Variants in RIC1 observed in about 807,000 individuals in gnomAD.
RIC1 encodes RIC1 partner of RAB6A GEF complex, also known as guanine nucleotide exchange factor subunit RIC1.
A neutral mutation model predicts 169.0 loss-of-function variants in RIC1; 88 were observed. The ratio of observed to expected loss-of-function variants is 0.52; its 90% CI spans 0.44 to 0.62. The LOEUF is 0.62. Among genes scored for constraint, RIC1 ranks in the 20% least tolerant of loss-of-function variants. The pLI is 0.00. For synonymous variants in RIC1, 790 were observed against 601.5 expected (o/e 1.31, Z -4.59); for missense variants, 1,877 against 1,725.5 (o/e 1.09, Z -1.56).
intron 2 of RIC1, among the ~76,000 whole-genome samples, chr9:5,677,324 T>C (rs1039328865): frequency 3.9e-5 from 6 of 152,218 alleles, no homozygotes; most frequent in Non-Finnish European, 8.8e-5. Context: ...GTGTGTGTCT[T>C]ATTTGGTAAA....
At chr9:5,741,638 T>TA in intron 8 of RIC1, among the ~76,000 whole-genome samples, 1 of 152,190 alleles carries the variant, frequency 6.6e-6, no homozygotes, top group Non-Finnish European at 1.5e-5. Flanking sequence ...TTTAAAGGCT[T>TA]ATTTAGCTCT....
intron 24 of RIC1, 41 bp downstream of exon 24, chr9:5,772,782 A>C (rs755170468): frequency 6.3e-7 from 1 of 1,579,536 alleles, no homozygotes; most frequent in Non-Finnish European, 8.6e-7. Flanking sequence ...ATGCCTACTC[A>C]GAGTATTTGG....
rs138589800 is a variant in RIC1, at chr9:5,772,625, C to T, written c.3678C>T (p.Gly1226=). Residue 1226 remains glycine, a synonymous_variant, in exon 24 of 26, where the codon GGC becomes GGT. Coordinates refer to ENST00000414202, the MANE Select transcript of RIC1 (RefSeq NM_020829.4). The part of the protein sequence containing the change: ...DLTESSSMVD[G]DWTMVDENFS... ...CTGAAAGTAGCTCCATGGTGGATGG[C>T]GACTGGACAATGGTGGATGAAAATT... The T allele has an allele frequency of 1.1e-5, 18 of 1,613,690 alleles. No homozygotes were observed. Among genetic ancestry groups the T allele is most frequent in the Middle Eastern group, 1.6e-4 (1 of 6,082 alleles).
chr9:5,669,425 T>G (rs2130552950), intron 2 of RIC1, among the ~76,000 whole-genome samples: 1 of 152,352 alleles, frequency 6.6e-6, no homozygotes, highest in East Asian at 1.9e-4. Flanking sequence ...AGAATAATAG[T>G]CTTCAATTCC....
chr9:5,684,281 C>A (rs1162982698), intron 2 of RIC1, among the ~76,000 whole-genome samples: 1 of 7,092 alleles, frequency 1.4e-4, no homozygotes, highest in African/African-American at 4.4e-4. Flanking sequence ...TCCACCCCCC[C>A]CCCCCCCCCC....
intron 3 of RIC1, among the ~76,000 whole-genome samples, chr9:5,692,960 C>T (rs189967900): frequency 2.6e-5 from 4 of 152,158 alleles, no homozygotes; most frequent in Non-Finnish European, 5.9e-5. Flanking sequence ...CATAGTCACA[C>T]GCGAATAAGT....
At chr9:5,665,726 C>G (rs951168699) in intron 2 of RIC1, among the ~76,000 whole-genome samples, 3 of 152,044 alleles carry the variant, frequency 2.0e-5, no homozygotes, top group Non-Finnish European at 4.4e-5. Flanking sequence ...TACTCCAGAC[C>G]CTAGTTGCCT....
intron 1 of RIC1, among the ~76,000 whole-genome samples, chr9:5,632,247 T>G (rs1025849713): frequency 1.3e-5 from 2 of 152,200 alleles, no homozygotes; most frequent in African/African-American, 2.4e-5. Context: ...GAAGGGACAG[T>G]CGTTTAGTAG....
chr9:5,676,953 G>A (rs773999247), intron 2 of RIC1, among the ~76,000 whole-genome samples: 2 of 152,094 alleles, frequency 1.3e-5, no homozygotes, highest in South Asian at 2.1e-4. Flanking sequence ...CTTGTTTCCC[G>A]TTTGGGGCTG....
At chr9:5,704,410 C>T (rs567900950) in intron 3 of RIC1, among the ~76,000 whole-genome samples, 101 of 152,066 alleles carry the variant, frequency 6.6e-4, no homozygotes, top group Admixed American at 1.9e-3. Context: ...TGGGATCTCA[C>T]TACATTGTTC....
chr9:5,673,796 A>G (rs182921783), intron 2 of RIC1, among the ~76,000 whole-genome samples: 4 of 152,090 alleles, frequency 2.6e-5, no homozygotes, highest in Admixed American at 2.0e-4. Context: ...GTTCCTGTAT[A>G]TATTTATCAG....
chr9:5,763,450 G>C lies in RIC1; in HGVS notation c.2423G>C (p.Arg808Thr). The C allele has an allele frequency of 1.2e-6, 2 of 1,614,192 alleles. No homozygotes were observed. The highest frequency in any genetic ancestry group is 1.7e-6 in the Non-Finnish European group (2 of 1,180,020). The change falls in exon 19 of 26, where the codon AGA (arginine) becomes ACA (threonine). Residue 808 changes from arginine (R) to threonine (T), a missense_variant. Arg to Thr is a moderately conservative substitution (Grantham distance 71). Coordinates refer to ENST00000414202, the MANE Select transcript of RIC1 (RefSeq NM_020829.4). The surrounding 1 kb of genome is among the most constrained non-coding windows in gnomAD (Gnocchi z 5.2). Reference protein sequence around the residue: ...YDSLYTRNNAREQLEVLFPFC... With the variant: ...YDSLYTRNNATEQLEVLFPFC... ...TCTTTATATACTCGGAACAATGCTA[G>C]AGAACAGCTGGAGGTGCTCTTCCCT...
chr9:5,706,079 T>C (rs1162252880), intron 3 of RIC1, among the ~76,000 whole-genome samples: 1 of 152,232 alleles, frequency 6.6e-6, no homozygotes, highest in Non-Finnish European at 1.5e-5. Flanking sequence ...TTTACATCTA[T>C]ATTCATAAGG....
chr9:5,722,007 G>C (rs13296862), intron 6 of RIC1, among the ~76,000 whole-genome samples: 2 of 151,568 alleles, frequency 1.3e-5, no homozygotes, highest in African/African-American at 2.4e-5. Flanking sequence ...TCCTGCTTCA[G>C]CCTCCCGAGT....
chr9:5,670,991 G>A (rs1338442655), intron 2 of RIC1, among the ~76,000 whole-genome samples: 5 of 152,184 alleles, frequency 3.3e-5, no homozygotes, highest in East Asian at 3.9e-4. Flanking sequence ...GCCCTCCGCC[G>A]TCAGAAATGC....
At chr9:5,727,454 AT>A (rs1328924422) in intron 6 of RIC1, among the ~76,000 whole-genome samples, 2 of 151,904 alleles carry the variant, frequency 1.3e-5, no homozygotes, top group Non-Finnish European at 2.9e-5. Context: ...TTTTTTCAAG[AT>A]TTTTTGCTTC....
chr9:5,740,918 C>A (rs1587080345), intron 8 of RIC1, among the ~76,000 whole-genome samples: 1 of 152,124 alleles, frequency 6.6e-6, no homozygotes, highest in South Asian at 2.1e-4. Flanking sequence ...CACATTTATA[C>A]CAGTATTTTT....
chr9:5,753,554 C>A lies in RIC1; in HGVS notation c.1510C>A (p.Leu504Ile). ...TAAACAGTTTTCAGCTATTGATAAGCTTGGACAGAATATTGCTGTGGTTGG... is the reference window on the plus strand; with the variant it reads ...TAAACAGTTTTCAGCTATTGATAAGATTGGACAGAATATTGCTGTGGTTGG... ...WPIRFSAIDK[L>I]GQNIAVVGKF... Residue 504 changes from leucine to isoleucine, a missense_variant, in exon 14 of 26, where the codon CTT becomes ATT. Coordinates refer to ENST00000414202, the MANE Select transcript of RIC1 (RefSeq NM_020829.4). 6.2e-7 allele frequency: 1 copy of A among 1,605,246 alleles called. No homozygotes were observed. The highest frequency in any genetic ancestry group is 8.5e-7 in the Non-Finnish European group (1 of 1,176,212).
intron 2 of RIC1, among the ~76,000 whole-genome samples, chr9:5,683,069 T>C (rs943429049): frequency 1.7e-4 from 26 of 152,102 alleles, no homozygotes; most frequent in Admixed American, 1.6e-3. Flanking sequence ...ATTCGTCTAA[T>C]TTTTTTTCAA....
Sources: gnomAD v4.1 joint callset for allele counts (sites outside exome capture counted in the v4.1 genomes callset) on GRCh38, gnomAD v4.1.1 for gene constraint, Gnocchi (gnomAD v3.1) non-coding constraint, MANE v1.5 for transcripts, NCBI Gene and HGNC (gene_info 2026-07-23, HGNC 2026-07-21) for gene names.